SGCZ: variants seen among roughly 807,000 people sequenced by gnomAD.
SGCZ encodes zeta-sarcoglycan.
A neutral mutation model predicts 41.3 loss-of-function variants in SGCZ; 40 were observed. The observed-to-expected ratio is 0.97, with a 90% CI of 0.75 to 1.26. The LOEUF is 1.26. Ranked by LOEUF, SGCZ falls within the 50% of genes most tolerant of loss-of-function variation. The pLI is 0.00. For synonymous variants in SGCZ, 206 were observed against 137.5 expected (o/e 1.50, Z -3.49); for missense variants, 552 against 369.8 (o/e 1.49, Z -4.04).
intron 2 of SGCZ, among the ~76,000 whole-genome samples, chr8:14,475,122 T>C (rs79873583): frequency 0.054 from 8,237 of 152,178 alleles, 724 homozygotes; most frequent in African/African-American, 0.19. Context: ...GCTCTAAACA[T>C]TGTAACACAA....
chr8:14,196,166 G>C (rs1805260751), intron 4 of SGCZ, among the ~76,000 whole-genome samples: 1 of 151,914 alleles, frequency 6.6e-6, no homozygotes, highest in African/African-American at 2.4e-5. Flanking sequence ...ACATAGATAA[G>C]CTATAGATTT....
chr8:14,792,311 G>A, intron 1 of SGCZ, among the ~76,000 whole-genome samples: 1 of 152,000 alleles, frequency 6.6e-6, no homozygotes, highest in East Asian at 1.9e-4. Flanking sequence ...ATCAATATAG[G>A]TTACAACATC....
At chr8:14,528,980 G>T (rs1803042925) in intron 2 of SGCZ, among the ~76,000 whole-genome samples, 1 of 151,874 alleles carries the variant, frequency 6.6e-6, no homozygotes. Context: ...CCTAGAAAAT[G>T]ACAACCAACT....
At chr8:15,230,201 A>C (rs1448796914) in intron 1 of SGCZ, among the ~76,000 whole-genome samples, 2 of 145,662 alleles carry the variant, frequency 1.4e-5, no homozygotes, top group African/African-American at 5.0e-5. Context: ...AAAAAAAAAA[A>C]ACTGTAATGT....
rs1801553892 is a variant in SGCZ, at chr8:14,087,445, G to A, written c.*2998C>T. On this transcript the variant is annotated 3_prime_UTR_variant, in exon 8 of 8. Transcript: ENST00000382080. ...TCCATTCCTGGCAAATAACTTAAAT[G>A]CTAGCAAAACTACCAACCTCTTTTT... 1.3e-5 allele frequency among the ~76,000 whole-genome samples: 2 copies of A among 151,626 alleles called. No individual in the cohort carries two copies. The highest frequency in any genetic ancestry group is 3.9e-4 in the East Asian group (2 of 5,138).
At chr8:14,821,601 A>G (rs1008068988) in intron 1 of SGCZ, among the ~76,000 whole-genome samples, 1 of 152,138 alleles carries the variant, frequency 6.6e-6, no homozygotes, top group Non-Finnish European at 1.5e-5. Context: ...ATAGCACATT[A>G]AAAAGATCAG....
Position 14,164,590 on chromosome 8 carries a change from C to A in SGCZ, c.537G>T (p.Leu179=). The change falls in exon 5 of 8, where the codon CTG becomes CTT. Residue 179 remains leucine (L), a synonymous_variant. Transcript: ENST00000382080. ...EDEITIGAEK[L]KVTGTEGAVF... ...CTCCATCTACAGTACCTGTAACTTT[C>A]AGCTTTTCAGCCCCAATGGTAATCT... 1 of 1,613,396 alleles carries A rather than the reference C, an allele frequency of 6.2e-7. No individual in the cohort carries two copies. Among genetic ancestry groups the A allele is most frequent in the South Asian group, 1.1e-5 (1 of 91,074 alleles).
chr8:14,521,836 T>C (rs1181535329), intron 2 of SGCZ, among the ~76,000 whole-genome samples: 9 of 152,138 alleles, frequency 5.9e-5, no homozygotes, highest in Admixed American at 3.9e-4. Flanking sequence ...ACTTTGTCCC[T>C]GATCTTAGGA....
chr8:14,416,418 A>G (rs1028555219), intron 2 of SGCZ, among the ~76,000 whole-genome samples: 6 of 151,950 alleles, frequency 3.9e-5, no homozygotes, highest in African/African-American at 1.2e-4. Context: ...GCAAGATAAT[A>G]GTAAAGAACG....
At chr8:14,977,791 A>G (rs1192882897) in intron 1 of SGCZ, among the ~76,000 whole-genome samples, 2 of 152,126 alleles carry the variant, frequency 1.3e-5, no homozygotes, top group African/African-American at 4.8e-5. Context: ...TAAACCAAAA[A>G]GCTATCTATG....
At chr8:14,855,482 T>A (rs1284523502) in intron 1 of SGCZ, among the ~76,000 whole-genome samples, 1 of 152,172 alleles carries the variant, frequency 6.6e-6, no homozygotes, top group African/African-American at 2.4e-5. Flanking sequence ...GTGTCCATAC[T>A]TGCAGGATAG....
At chr8:14,414,262 AT>A (rs760387547) in intron 2 of SGCZ, among the ~76,000 whole-genome samples, 1 of 151,878 alleles carries the variant, frequency 6.6e-6, no homozygotes, top group Non-Finnish European at 1.5e-5. Context: ...TTGGTTTTAT[AT>A]TCCTAATTCA....
intron 1 of SGCZ, among the ~76,000 whole-genome samples, chr8:15,169,656 C>T (rs775710399): frequency 6.6e-6 from 1 of 152,180 alleles, no homozygotes; most frequent in Non-Finnish European, 1.5e-5. Flanking sequence ...GACTTGAAGT[C>T]TGGGATCAGC....
chr8:14,380,059 G>C (rs1251342547), intron 2 of SGCZ, among the ~76,000 whole-genome samples: 1 of 152,018 alleles, frequency 6.6e-6, no homozygotes, highest in African/African-American at 2.4e-5. Flanking sequence ...CTTCACTTCT[G>C]ACTATATTAA....
chr8:15,106,273 T>A (rs1179917239), intron 1 of SGCZ, among the ~76,000 whole-genome samples: 1 of 152,120 alleles, frequency 6.6e-6, no homozygotes, highest in African/African-American at 2.4e-5. Context: ...TAATACTTGA[T>A]ATTTTCAAAA....
intron 1 of SGCZ, among the ~76,000 whole-genome samples, chr8:14,596,651 G>C (rs924046157): frequency 6.6e-6 from 1 of 151,974 alleles, no homozygotes; most frequent in Non-Finnish European, 1.5e-5. Context: ...GTCCATGTGG[G>C]AGACACACCA....
At chr8:15,017,889 T>C (rs374096797) in intron 1 of SGCZ, among the ~76,000 whole-genome samples, 1 of 152,150 alleles carries the variant, frequency 6.6e-6, no homozygotes, top group African/African-American at 2.4e-5. Flanking sequence ...CTCTTATCTC[T>C]TTGCAATTCA....
chr8:14,843,597 C>T (rs1365411857), intron 1 of SGCZ, among the ~76,000 whole-genome samples: 2 of 152,032 alleles, frequency 1.3e-5, no homozygotes, highest in African/African-American at 4.8e-5. Context: ...AAATATATTA[C>T]ATGTGCAAGT....
At chr8:14,190,555 T>A (rs1805066544) in intron 4 of SGCZ, among the ~76,000 whole-genome samples, 1 of 152,090 alleles carries the variant, frequency 6.6e-6, no homozygotes, top group South Asian at 2.1e-4. Flanking sequence ...CCTTTGGATA[T>A]GTACACAGAA....
Sources: allele counts gnomAD v4.1 joint callset (sites outside exome capture counted in the v4.1 genomes callset), GRCh38; gene constraint gnomAD v4.1.1; transcripts MANE v1.5; gene names NCBI Gene and HGNC (gene_info 2026-07-23, HGNC 2026-07-21).